The following SPAG16 variants were observed in gnomAD, a reference collection of about 807,000 sequenced individuals.
SPAG16 encodes sperm-associated antigen 16 protein.
SPAG16 carries 86 observed loss-of-function variants against 80.4 expected under a neutral mutation model. That is an observed-to-expected ratio of 1.07 (90% CI 0.90 to 1.28). The LOEUF (loss-of-function observed/expected upper bound fraction) is 1.28, where lower values mean the gene tolerates loss of function less well. Among genes scored for constraint, SPAG16 ranks in the 50% most tolerant of loss-of-function variants. The pLI, the probability that SPAG16 is intolerant of heterozygous loss-of-function variation, is 0.00. For missense variants in SPAG16, 870 were observed against 765.3 expected, an observed-to-expected ratio of 1.14 and a Z score of -1.61; for synonymous variants, 294 against 265.9, an observed-to-expected ratio of 1.11 and a Z score of -1.03.
intron 15 of SPAG16, among the ~76,000 whole-genome samples, chr2:214,257,899 G>A (rs1690812803): frequency 1.3e-5 from 2 of 152,102 alleles, no homozygotes; most frequent in South Asian, 2.1e-4. Context: ...TTCCTTAAAT[G>A]TTTGGTAGCC....
intron 10 of SPAG16, among the ~76,000 whole-genome samples, chr2:213,805,048 A>G (rs1054653934): frequency 3.3e-5 from 5 of 152,214 alleles, no homozygotes; most frequent in Admixed American, 6.5e-5. Flanking sequence ...TATAATACCA[A>G]TGTTACTGTT....
intron 10 of SPAG16, among the ~76,000 whole-genome samples, chr2:213,737,689 C>T (rs1397154198): frequency 1.3e-5 from 2 of 152,028 alleles, no homozygotes; most frequent in Non-Finnish European, 2.9e-5. Context: ...GGGGTTTCAT[C>T]GTGTTAGCCA....
At chr2:213,556,793 T>A (rs75833877) in intron 10 of SPAG16, among the ~76,000 whole-genome samples, 1 of 152,088 alleles carries the variant, frequency 6.6e-6, no homozygotes, top group Non-Finnish European at 1.5e-5. Flanking sequence ...GAACAATACA[T>A]TTTCTTCTCA....
chr2:214,010,887 G>T (rs2047249406), intron 12 of SPAG16, among the ~76,000 whole-genome samples: 1 of 145,532 alleles, frequency 6.9e-6, no homozygotes. Context: ...AAGAAAGTGG[G>T]AGGAACATAA....
At chr2:213,531,975 CA>C (rs1208536120) in intron 10 of SPAG16, among the ~76,000 whole-genome samples, 1 of 151,798 alleles carries the variant, frequency 6.6e-6, no homozygotes. Context: ...TACAAACACC[CA>C]AAAAAACACT....
intron 10 of SPAG16, among the ~76,000 whole-genome samples, chr2:213,566,248 T>C (rs1281191312): frequency 6.6e-6 from 1 of 152,158 alleles, no homozygotes; most frequent in Non-Finnish European, 1.5e-5. Flanking sequence ...CAAACGATGC[T>C]AGCAGGAGTA....
At chr2:213,685,686 A>C (rs1477383263) in intron 10 of SPAG16, among the ~76,000 whole-genome samples, 3 of 152,216 alleles carry the variant, frequency 2.0e-5, no homozygotes, top group East Asian at 3.8e-4. Context: ...TAGGTCCTGA[A>C]GGCCATTTTT....
intron 13 of SPAG16, among the ~76,000 whole-genome samples, chr2:214,044,565 A>G (rs2049209553): frequency 6.6e-6 from 1 of 152,228 alleles, no homozygotes; most frequent in Admixed American, 6.5e-5. Flanking sequence ...TGCCTTCATC[A>G]GAACCAAAAA....
At chr2:214,068,030 G>C (rs1020657634) in intron 13 of SPAG16, among the ~76,000 whole-genome samples, 1 of 152,034 alleles carries the variant, frequency 6.6e-6, no homozygotes, top group Non-Finnish European at 1.5e-5. Flanking sequence ...TATGGAAGCC[G>C]TGCAGTATAA....
chr2:213,809,681 A>G lies in SPAG16; in HGVS notation c.1071-52804A>G, dbSNP rs1575199967. 2.6e-5 allele frequency among the ~76,000 whole-genome samples: 4 copies of G among 152,164 alleles called. 1 individual carries two copies. The South Asian group carries it at 8.3e-4, about 32-fold the overall frequency. ...TGGAAGTTTAAAATTACAATTAAAA[A>G]GAGAAGCTAAGAAAAAGTGAAAAGA... is the stretch of plus-strand genomic sequence containing the variant. On this transcript the variant is annotated intron_variant, in intron 10 of 15. Transcript: ENST00000331683.
intron 10 of SPAG16, among the ~76,000 whole-genome samples, chr2:213,653,664 A>T (rs934535247): frequency 6.6e-6 from 1 of 152,232 alleles, no homozygotes; most frequent in African/African-American, 2.4e-5. Flanking sequence ...AAATATATCC[A>T]TCTCTCAAAA....
chr2:213,849,662 C>A (rs1230266506), intron 10 of SPAG16, among the ~76,000 whole-genome samples: 1 of 152,024 alleles, frequency 6.6e-6, no homozygotes, highest in East Asian at 1.9e-4. Flanking sequence ...TGTAATTCTT[C>A]CAGTTATTTC....
At chr2:214,152,891 G>A (rs370476735) in intron 15 of SPAG16, among the ~76,000 whole-genome samples, 7 of 152,080 alleles carry the variant, frequency 4.6e-5, no homozygotes, top group Non-Finnish European at 1.0e-4. Flanking sequence ...GAGACTTTTA[G>A]TACTTTCACT....
At chr2:213,941,730 A>C (rs1010349510) in intron 12 of SPAG16, among the ~76,000 whole-genome samples, 2 of 152,086 alleles carry the variant, frequency 1.3e-5, no homozygotes, top group African/African-American at 4.8e-5. Context: ...TTGTGACTAT[A>C]CCATTAGCTT....
intron 9 of SPAG16, among the ~76,000 whole-genome samples, chr2:213,408,499 T>C (rs761714416): frequency 9.2e-5 from 14 of 152,198 alleles, no homozygotes; most frequent in Non-Finnish European, 1.6e-4. Flanking sequence ...AATCTTAAAG[T>C]ATGGGGCTAT....
At chr2:214,211,408 A>G (rs1473846705) in intron 15 of SPAG16, among the ~76,000 whole-genome samples, 1 of 152,220 alleles carries the variant, frequency 6.6e-6, no homozygotes, top group African/African-American at 2.4e-5. Context: ...CTTGAGGATA[A>G]TATTGCTAAC....
Position 213,414,238 on chromosome 2 carries a change from G to C in SPAG16, c.942+39119G>C, listed in dbSNP as rs903178049. Among the ~76,000 whole-genome samples the C allele has an allele frequency of 2.6e-5, 4 of 152,142 alleles. No homozygotes were observed. In the East Asian group the frequency reaches 7.7e-4, roughly 29 times the overall value. ...TTCCTAGTGTAGTTCCTGCTACAGT[G>C]GGTCTGAGCTAATGGATCTATGAGC... On this transcript the variant is annotated intron_variant, in intron 9 of 15. Coordinates refer to ENST00000331683, the MANE Select transcript of SPAG16 (RefSeq NM_024532.5).
At chr2:213,580,013 A>G (rs1228368245) in intron 10 of SPAG16, among the ~76,000 whole-genome samples, 1 of 152,110 alleles carries the variant, frequency 6.6e-6, no homozygotes, top group Non-Finnish European at 1.5e-5. Context: ...GCCATTTGAG[A>G]AAACAGTAGA....
intron 10 of SPAG16, among the ~76,000 whole-genome samples, chr2:213,753,816 G>C (rs1322549283): frequency 1.3e-5 from 2 of 152,170 alleles, no homozygotes; most frequent in Non-Finnish European, 2.9e-5. Context: ...ACCTAACTAG[G>C]AACATGAAGA....
Sources: allele counts gnomAD v4.1 joint callset (sites outside exome capture counted in the v4.1 genomes callset), GRCh38; gene constraint gnomAD v4.1.1; transcripts MANE v1.5; gene names NCBI Gene and HGNC (gene_info 2026-07-23, HGNC 2026-07-21).